Variants in ARIH2 observed in about 807,000 individuals in gnomAD.
The protein encoded by ARIH2 is E3 ubiquitin-protein ligase ARIH2.
Under a neutral mutation model 79.8 loss-of-function variants are expected in ARIH2, and 12 were observed. The observed-to-expected ratio is 0.15, with a 90% CI of 0.10 to 0.24. The LOEUF is 0.24. Among genes scored for constraint, ARIH2 ranks in the 10% least tolerant of loss-of-function variants. The probability of loss-of-function intolerance (pLI) is 1.00; values close to 1 mark genes in which losing one functional copy is unlikely to be tolerated. For synonymous variants in ARIH2, 224 were observed against 213.9 expected, an observed-to-expected ratio of 1.05 and a Z score of -0.41; for missense variants, 301 against 618.3, an observed-to-expected ratio of 0.49 and a Z score of 5.44.
intron 3 of ARIH2, among the ~76,000 whole-genome samples, chr3:48,958,735 G>C (rs1355902755): frequency 6.6e-6 from 1 of 151,582 alleles, no homozygotes; most frequent in Non-Finnish European, 1.5e-5. Context: ...GGTAAGGCCG[G>C]ACTCAGTGGC....
chr3:48,949,028 G>C (rs1166445259), intron 3 of ARIH2: 3 of 456,324 alleles, frequency 6.6e-6, no homozygotes, highest in East Asian at 1.4e-4. Flanking sequence ...CATGGCCAGG[G>C]CTTAATATAG....
intron 3 of ARIH2, among the ~76,000 whole-genome samples, chr3:48,961,004 T>G (rs1483861872): frequency 6.6e-6 from 1 of 152,212 alleles, no homozygotes; most frequent in Non-Finnish European, 1.5e-5. Flanking sequence ...CTTTAGTAGC[T>G]ATAACTATGT....
chr3:48,976,355 C>T (rs534961464), intron 11 of ARIH2, among the ~76,000 whole-genome samples: 9 of 151,946 alleles, frequency 5.9e-5, no homozygotes, highest in South Asian at 2.1e-4. Flanking sequence ...CTATTACAGG[C>T]GCCCACCACC....
Position 48,981,689 on chromosome 3 carries a change from A to G in ARIH2, c.1287A>G (p.Pro429=), listed in dbSNP as rs1458040612. ...KCRYTLQYTY[P]YAYYMESGPR... is the part of the protein sequence containing the mutation. ...GATACACCCTGCAATACACCTACCCATATGCATATTACATGGAGTCCGGAC... is the reference window on the plus strand; with the variant it reads ...GATACACCCTGCAATACACCTACCCGTATGCATATTACATGGAGTCCGGAC... The change falls in exon 14 of 16, where the codon CCA becomes CCG. Residue 429 remains proline, a synonymous_variant. Coordinates refer to ENST00000356401, the MANE Select transcript of ARIH2 (RefSeq NM_006321.4). 5.0e-6 allele frequency: 8 copies of G among 1,613,816 alleles called. 1 individual carries two copies. The Admixed American group carries it at 5.0e-5, about 10-fold the overall frequency.
rs1433476524 is a variant in ARIH2, at chr3:48,983,327, C to CCATACTG, written c.*61_*67dup. On this transcript the variant is annotated 3_prime_UTR_variant, in exon 16 of 16. Coordinates refer to ENST00000356401, the MANE Select transcript of ARIH2 (RefSeq NM_006321.4). ...ATGTGGCTGCAAGGTCTCCCGGCTG[C>CCATACTG]CATACTGCATGCTGCAGGCTCTGCC... 2 of 1,566,216 alleles carry CCATACTG rather than the reference C, an allele frequency of 1.3e-6. No homozygotes were observed. The highest frequency in any genetic ancestry group is 1.8e-6 in the Non-Finnish European group (2 of 1,138,080).
intron 3 of ARIH2, chr3:48,945,033 G>C (rs1488355480): frequency 2.0e-6 from 2 of 984,230 alleles, no homozygotes; most frequent in African/African-American, 3.4e-5. Context: ...CGAAGTGGCA[G>C]GCTGAGGCAT....
intron 14 of ARIH2, 128 bp downstream of exon 14, chr3:48,981,856 T>C (rs2092763434): frequency 5.9e-6 from 4 of 680,050 alleles, no homozygotes; most frequent in Admixed American, 5.6e-5. Context: ...AAAACTCTAA[T>C]TGCAAAATTC....
At chr3:48,954,961 G>T (rs2090407521) in intron 3 of ARIH2, among the ~76,000 whole-genome samples, 1 of 152,178 alleles carries the variant, frequency 6.6e-6, no homozygotes, top group South Asian at 2.1e-4. Flanking sequence ...ACTTTGGGAG[G>T]CCGAGGCAGG....
At chr3:48,949,396 C>T (rs767061808) in intron 3 of ARIH2, among the ~76,000 whole-genome samples, 1 of 152,180 alleles carries the variant, frequency 6.6e-6, no homozygotes, top group Admixed American at 6.5e-5. Flanking sequence ...TGTGAGCCAT[C>T]GTGCCCAGCC....
chr3:48,979,433 AGTGGAGTT>A, intron 11 of ARIH2, 41 bp from the exon 12 acceptor site: 1 of 1,590,654 alleles, frequency 6.3e-7, no homozygotes, highest in South Asian at 1.1e-5. Flanking sequence ...TATGGAGGAA[AGTGGAGTT>A]GTCTTGTAGA....
At chr3:48,937,141 G>A (rs1251031914) in intron 3 of ARIH2, among the ~76,000 whole-genome samples, 1 of 152,228 alleles carries the variant, frequency 6.6e-6, no homozygotes, top group African/African-American at 2.4e-5. Context: ...AAGGAAAACA[G>A]AGCTGTTCTT....
chr3:48,933,230 G>A (rs2086617615), intron 3 of ARIH2, among the ~76,000 whole-genome samples: 1 of 140,908 alleles, frequency 7.1e-6, no homozygotes, highest in African/African-American at 2.7e-5. Flanking sequence ...CGCACCACAT[G>A]CCCGGGTGTG....
intron 4 of ARIH2, among the ~76,000 whole-genome samples, chr3:48,963,088 C>T (rs1297674657): frequency 6.6e-6 from 1 of 152,160 alleles, no homozygotes; most frequent in Non-Finnish European, 1.5e-5. Flanking sequence ...GCCTTTCCTT[C>T]TCCGGGCTGA....
chr3:48,981,786 C>A, intron 14 of ARIH2, 58 bp downstream of exon 14: 1 of 1,425,150 alleles, frequency 7.0e-7, no homozygotes, highest in Non-Finnish European at 9.9e-7. Context: ...CCCTTCTCTA[C>A]CAGCACTTTG....
intron 3 of ARIH2, among the ~76,000 whole-genome samples, chr3:48,929,579 G>C (rs1398655074): frequency 2.0e-5 from 3 of 152,064 alleles, no homozygotes; most frequent in Non-Finnish European, 4.4e-5. Context: ...AAAGAATACA[G>C]CTCGTTTATT....
At chr3:48,965,082 G>C (rs2091642094) in intron 5 of ARIH2, 100 bp downstream of exon 5, 1 of 1,157,354 alleles carries the variant, frequency 8.6e-7, no homozygotes, top group African/African-American at 1.5e-5. Flanking sequence ...GCTGGGTGCG[G>C]TGTGGCTCAC....
chr3:48,942,022 A>AT lies in ARIH2; in HGVS notation c.255+14211dup, dbSNP rs201912045. ...TGCCTCAGCCTCCCGAGTAGCTGGG[A>AT]TTACAGGCACACGCAACCATACCTG... On this transcript the variant is annotated intron_variant, in intron 3 of 15. Transcript: ENST00000356401. Among the ~76,000 whole-genome samples, 926 of 148,932 alleles carry AT rather than the reference A, an allele frequency of 6.2e-3. 15 individuals carry two copies. The highest frequency in any genetic ancestry group is 0.022 in the African/African-American group (883 of 40,484).
intron 3 of ARIH2, among the ~76,000 whole-genome samples, chr3:48,961,003 C>A (rs569969651): frequency 6.6e-6 from 1 of 152,136 alleles, no homozygotes; most frequent in Admixed American, 6.6e-5. Flanking sequence ...TCTTTAGTAG[C>A]TATAACTATG....
intron 15 of ARIH2, 38 bp from the exon 16 acceptor site, chr3:48,983,161 T>A: frequency 6.2e-7 from 1 of 1,611,482 alleles, no homozygotes; most frequent in East Asian, 2.2e-5. Flanking sequence ...CTCCCAGGCC[T>A]GGGCCATGCA....
Sources: allele counts gnomAD v4.1 joint callset (sites outside exome capture counted in the v4.1 genomes callset), GRCh38; gene constraint gnomAD v4.1.1; transcripts MANE v1.5; gene names NCBI Gene and HGNC (gene_info 2026-07-23, HGNC 2026-07-21).